Variants in WRN observed in about 807,000 individuals in gnomAD.
The protein encoded by WRN is WRN RecQ like helicase.
A neutral mutation model predicts 180.7 loss-of-function variants in WRN; 149 were observed. That is an observed-to-expected ratio of 0.82 (90% CI 0.72 to 0.94). The LOEUF (loss-of-function observed/expected upper bound fraction) is 0.94. Among genes scored for constraint, WRN ranks in the 40% least tolerant of loss-of-function variants. The pLI is 0.00. For missense variants in WRN, 1,661 were observed against 1,700.1 expected (o/e 0.98, Z 0.40); for synonymous variants, 548 against 568.9 (o/e 0.96, Z 0.52).
intron 8 of WRN, 91 bp from the exon 9 acceptor site, chr8:31,080,776 A>G: frequency 9.3e-7 from 1 of 1,078,916 alleles, no homozygotes; most frequent in Non-Finnish European, 1.3e-6. Flanking sequence ...AGGTCAGCTT[A>G]GAAAGCTTTT....
intron 7 of WRN, among the ~76,000 whole-genome samples, chr8:31,072,153 A>T (rs1159927221): frequency 6.6e-6 from 1 of 152,222 alleles, no homozygotes; most frequent in Admixed American, 6.5e-5. Context: ...GAGTTGCCAT[A>T]GACATCGAGG....
chr8:31,140,848 C>A (rs1024464967), intron 24 of WRN, among the ~76,000 whole-genome samples: 1 of 151,992 alleles, frequency 6.6e-6, no homozygotes, highest in Non-Finnish European at 1.5e-5. Context: ...CTCTGCCTCC[C>A]AGATTCACGC....
At chr8:31,058,135 A>T (rs1337203505) in intron 1 of WRN, among the ~76,000 whole-genome samples, 1 of 152,190 alleles carries the variant, frequency 6.6e-6, no homozygotes, top group Non-Finnish European at 1.5e-5. Flanking sequence ...CTTGAGAAAG[A>T]CTCAAAGTCA....
intron 34 of WRN, among the ~76,000 whole-genome samples, chr8:31,169,051 A>C (rs907082221): frequency 3.3e-5 from 5 of 151,884 alleles, no homozygotes; most frequent in Non-Finnish European, 5.9e-5. Context: ...ATTTCTATAA[A>C]GTTTTCTTAA....
At position 31,033,967 on chromosome 8, in the gene WRN, T is replaced by C; in HGVS notation, c.-83T>C. The C allele has an allele frequency of 6.6e-6, 1 of 152,444 alleles. No individual in the cohort carries two copies. Among genetic ancestry groups the C allele is most frequent in the Non-Finnish European group, 1.5e-5 (1 of 68,138 alleles). 9.4% of individuals were successfully genotyped at this position (152,444 alleles called of 1,614,324 possible). ...GAAGAAGACCTGTTGGACTGGATCT[T>C]CTCGGGGTAAAGTGTCTTCCTATTC... On this transcript the variant is annotated 5_prime_UTR_variant, in exon 1 of 35. Transcript: ENST00000298139.
intron 19 of WRN, among the ~76,000 whole-genome samples, chr8:31,113,904 G>C (rs553275972): frequency 6.6e-6 from 1 of 152,188 alleles, no homozygotes; most frequent in Non-Finnish European, 1.5e-5. Flanking sequence ...CTTAAGTCTG[G>C]AATACCTTTC....
At position 31,173,782 on chromosome 8, in the gene WRN, C is replaced by T. The variant is rs1804187148; in HGVS notation, c.*680C>T. ...TATTATATATATATTTTTTAGCTTT[C>T]ATTTACTTAATTATTTTAAGTACCT... On this transcript the variant is annotated 3_prime_UTR_variant, in exon 35 of 35. Transcript: ENST00000298139. The T allele has an allele frequency of 6.5e-6, 1 of 153,688 alleles. No individual in the cohort carries two copies. Among genetic ancestry groups the T allele is most frequent in the African/African-American group, 2.4e-5 (1 of 41,462 alleles). 9.5% of individuals were successfully genotyped at this position (153,688 alleles called of 1,614,324 possible). A position where few individuals can be genotyped will look rare whatever the true frequency, so the allele number is the denominator to read the frequency against.
chr8:31,079,425 T>C (rs1563337671), intron 8 of WRN, among the ~76,000 whole-genome samples: 1 of 152,218 alleles, frequency 6.6e-6, no homozygotes, highest in Non-Finnish European at 1.5e-5. Flanking sequence ...GAGTAAAACA[T>C]GTCCCTGCCT....
In WRN at chr8:31,171,734, A is replaced by G. The variant is rs536928663; in HGVS notation, c.4192-1261A>G. 6 of 152,322 alleles carry G rather than the reference A, an allele frequency of 3.9e-5. No homozygotes were observed. In the South Asian group the frequency reaches 1.2e-3, roughly 32 times the overall value. The allele number at this position is 152,322 out of a possible 1,614,324, so 9.4% of individuals were successfully genotyped here. A position where few individuals can be genotyped will look rare whatever the true frequency, so the allele number is the denominator to read the frequency against. On this transcript the variant is annotated intron_variant, in intron 34 of 34. Transcript: ENST00000298139. Reference sequence around the variant, plus strand: ...ATATAAAGTTTCAGAGTCTTCTGCCAAGGATCTTTTGCTGTTTTCCTACTG... The same window carrying G: ...ATATAAAGTTTCAGAGTCTTCTGCCGAGGATCTTTTGCTGTTTTCCTACTG...
At chr8:31,141,405 A>G (rs755417231) in intron 24 of WRN, 25 bp from the exon 25 acceptor site, 2 of 1,613,606 alleles carry the variant, frequency 1.2e-6, no homozygotes, top group Non-Finnish European at 8.5e-7. Context: ...GCATTTTTAG[A>G]TACTGATTTT....
At chr8:31,146,264 C>T (rs11574356) in intron 28 of WRN, among the ~76,000 whole-genome samples, 43 of 149,980 alleles carry the variant, frequency 2.9e-4, no homozygotes, top group Middle Eastern at 3.6e-3. Flanking sequence ...AATTATATTT[C>T]GTCATATTAA....
At chr8:31,142,723 CTGATT>C in intron 27 of WRN, 22 bp downstream of exon 27, 1 of 1,557,696 alleles carries the variant, frequency 6.4e-7, no homozygotes, top group African/African-American at 1.4e-5. Context: ...AGAAATTGTT[CTGATT>C]TATTTCATTC....
chr8:31,093,707 A>G (rs1813848264), intron 16 of WRN, among the ~76,000 whole-genome samples: 1 of 152,194 alleles, frequency 6.6e-6, no homozygotes, highest in African/African-American at 2.4e-5. Context: ...TGAAACCATC[A>G]TCACAATCCA....
intron 17 of WRN, among the ~76,000 whole-genome samples, chr8:31,098,294 C>T (rs548985595): frequency 3.2e-4 from 49 of 152,198 alleles, no homozygotes; most frequent in African/African-American, 1.2e-3. Flanking sequence ...GGTTGTATTG[C>T]AAAAGCTGGG....
chr8:31,151,419 G>A (rs1003977159), intron 31 of WRN, among the ~76,000 whole-genome samples: 1 of 152,130 alleles, frequency 6.6e-6, no homozygotes, highest in African/African-American at 2.4e-5. Context: ...TTTGAATGTA[G>A]CATTTCCCTC....
Position 31,080,988 on chromosome 8 carries a change from G to C in WRN, c.961G>C (p.Glu321Gln). ...CAATAATTTAAACTTATTATCCTTTGAAGATTCAACTACTGGGGGAGTACA... is the reference window on the plus strand; with the variant it reads ...CAATAATTTAAACTTATTATCCTTTCAAGATTCAACTACTGGGGGAGTACA... Reference protein sequence around the residue: ...PSNNLNLLSFEDSTTGGVQQK... With the variant: ...PSNNLNLLSFQDSTTGGVQQK... Residue 321 changes from glutamate to glutamine, a missense_variant, in exon 9 of 35, where the codon GAA (glutamate) becomes CAA (glutamine). Coordinates refer to ENST00000298139, the MANE Select transcript of WRN (RefSeq NM_000553.6). The C allele has an allele frequency of 6.2e-7, 1 of 1,613,932 alleles. No homozygotes were observed. The highest frequency in any genetic ancestry group is 8.5e-7 in the Non-Finnish European group (1 of 1,179,956).
intron 27 of WRN, among the ~76,000 whole-genome samples, chr8:31,143,079 A>G (rs886782134): frequency 3.1e-4 from 45 of 143,230 alleles, no homozygotes; most frequent in Admixed American, 1.4e-4. Context: ...TCTCTCACAC[A>G]CACACACATG....
Position 31,175,101 on chromosome 8 carries a change from GT to G in WRN, c.*2000del, listed in dbSNP as rs983834593. 1.3e-5 allele frequency among the ~76,000 whole-genome samples: 2 copies of G among 151,980 alleles called. No individual in the cohort carries two copies. The highest frequency in any genetic ancestry group is 1.3e-4 in the Admixed American group (2 of 15,244). The stretch of plus-strand genomic sequence containing the variant: ...GTGTTTCGAAGATCCGTATAACTCA[GT>G]GAATCAGTATGTTCTGGATGACTAA... On this transcript the variant is annotated 3_prime_UTR_variant, in exon 35 of 35. Transcript: ENST00000298139.
intron 1 of WRN, among the ~76,000 whole-genome samples, chr8:31,038,404 A>G (rs1422417491): frequency 6.7e-6 from 1 of 150,214 alleles, no homozygotes; most frequent in Non-Finnish European, 1.5e-5. Flanking sequence ...TCCTTTGCCC[A>G]TTTTTTAATT....
Sources: allele counts gnomAD v4.1 joint callset (sites outside exome capture counted in the v4.1 genomes callset), GRCh38; gene constraint gnomAD v4.1.1; transcripts MANE v1.5; gene names NCBI Gene and HGNC (gene_info 2026-07-23, HGNC 2026-07-21).